CHST8: variants seen among roughly 807,000 people sequenced by gnomAD.
CHST8 encodes GALNAC-4-ST1.
CHST8 carries 10 observed loss-of-function variants against 15.0 expected under a neutral mutation model. That is an observed-to-expected ratio of 0.67 (90% CI 0.41 to 1.13). The LOEUF (loss-of-function observed/expected upper bound fraction) is 1.13, where lower values mean the gene tolerates loss of function less well. CHST8 is among the 50% of genes most tolerant of loss of function. CHST8 has a pLI of 0.00. For synonymous variants in CHST8, 259 were observed against 256.6 expected (o/e 1.01, Z -0.09); for missense variants, 634 against 608.2 (o/e 1.04, Z -0.45).
At chr19:33,661,543 G>A (rs1215575971) in intron 1 of CHST8, among the ~76,000 whole-genome samples, 1 of 152,156 alleles carries the variant, frequency 6.6e-6, no homozygotes, top group Non-Finnish European at 1.5e-5. Flanking sequence ...CCTTTGCACG[G>A]TGGTGGCCTA....
chr19:33,773,314 C>A lies in CHST8; in HGVS notation c.*251C>A. ...AGAGGCTGAGAACTGGGCAGACACCCCTGGAGCTCAGCCGACAGTTTTGAT... is the reference window on the plus strand; with the variant it reads ...AGAGGCTGAGAACTGGGCAGACACCACTGGAGCTCAGCCGACAGTTTTGAT... On this transcript the variant is annotated 3_prime_UTR_variant, in exon 5 of 5. Coordinates refer to ENST00000650847, the MANE Select transcript of CHST8 (RefSeq NM_001127895.2). The A allele has an allele frequency of 1.9e-6, 1 of 530,622 alleles. No individual in the cohort carries two copies. Among genetic ancestry groups the A allele is most frequent in the East Asian group, 3.1e-5 (1 of 32,204 alleles). 32.9% of individuals were successfully genotyped at this position (530,622 alleles called of 1,614,324 possible). A position where few individuals can be genotyped will look rare whatever the true frequency, so the allele number is the denominator to read the frequency against.
intron 3 of CHST8, among the ~76,000 whole-genome samples, chr19:33,757,786 G>A (rs1974633541): frequency 1.3e-5 from 2 of 151,772 alleles, no homozygotes; most frequent in Non-Finnish European, 2.9e-5. Flanking sequence ...CAAACTCCTG[G>A]GCTCAAGCAA....
At chr19:33,659,508 A>C (rs767151551) in intron 1 of CHST8, among the ~76,000 whole-genome samples, 9 of 152,186 alleles carry the variant, frequency 5.9e-5, no homozygotes, top group Non-Finnish European at 1.0e-4. Context: ...AATCCTTAAT[A>C]ATCTCAATTT....
intron 3 of CHST8, among the ~76,000 whole-genome samples, chr19:33,749,104 C>G (rs75309846): frequency 0.1 from 15,705 of 152,166 alleles, 1,006 homozygotes; most frequent in Middle Eastern, 0.15. Flanking sequence ...GGTGTGCATG[C>G]CCCAGGGATG....
At chr19:33,674,516 C>T (rs74605037) in intron 2 of CHST8, among the ~76,000 whole-genome samples, 1,651 of 152,296 alleles carry the variant, frequency 0.011, 23 homozygotes, top group African/African-American at 0.036. Flanking sequence ...TCCTCAGCCC[C>T]ACGTTTGACT....
intron 3 of CHST8, among the ~76,000 whole-genome samples, chr19:33,731,190 A>G (rs1457004617): frequency 1.3e-5 from 2 of 152,242 alleles, no homozygotes; most frequent in African/African-American, 4.8e-5. Flanking sequence ...AAGTTTATTA[A>G]GAAAGTAAAG....
At chr19:33,628,074 G>A (rs55771503) in intron 1 of CHST8, among the ~76,000 whole-genome samples, 24,035 of 152,168 alleles carry the variant, frequency 0.16, 2,091 homozygotes, top group Non-Finnish European at 0.2. Context: ...AGGACTTCTC[G>A]GAGGAGGTGG....
rs115804833 is a variant in CHST8, at chr19:33,727,592, C to G, written c.130+38201C>G. 6.2e-3 allele frequency among the ~76,000 whole-genome samples: 942 copies of G among 152,290 alleles called. 6 individuals carry two copies. The highest frequency in any genetic ancestry group is 0.024 in the Middle Eastern group (7 of 294). ...TCTTGTCGCGCCTGGCTTTATTAAT[C>G]CATTTTGTGAATAGACTTGGGAGTT... On this transcript the variant is annotated intron_variant, in intron 3 of 4. Transcript: ENST00000650847.
chr19:33,655,474 T>C (rs992092425), intron 1 of CHST8, among the ~76,000 whole-genome samples: 17 of 152,212 alleles, frequency 1.1e-4, no homozygotes, highest in African/African-American at 3.9e-4. Flanking sequence ...AGGAAGTTTT[T>C]CTCTTTTCTT....
At chr19:33,647,630 G>C (rs1972370917) in intron 1 of CHST8, among the ~76,000 whole-genome samples, 1 of 152,124 alleles carries the variant, frequency 6.6e-6, no homozygotes, top group Non-Finnish European at 1.5e-5. Flanking sequence ...TGGATCGCTT[G>C]AGGACAGGAG....
intron 1 of CHST8, among the ~76,000 whole-genome samples, chr19:33,633,542 C>T (rs1972151646): frequency 1.3e-5 from 2 of 151,818 alleles, no homozygotes; most frequent in African/African-American, 4.8e-5. Context: ...CAGGTGTGCA[C>T]CACCATGCTG....
At chr19:33,682,093 G>A (rs1972898793) in intron 2 of CHST8, among the ~76,000 whole-genome samples, 1 of 151,616 alleles carries the variant, frequency 6.6e-6, no homozygotes, top group Non-Finnish European at 1.5e-5. Context: ...GACCTCAGGT[G>A]ATCCACCCGC....
intron 2 of CHST8, among the ~76,000 whole-genome samples, chr19:33,678,426 T>C (rs940875009): frequency 6.6e-6 from 1 of 152,148 alleles, no homozygotes. Context: ...TGTTTTGAGA[T>C]GAGCTCCAGG....
chr19:33,722,183 G>A (rs77863101), intron 3 of CHST8, among the ~76,000 whole-genome samples: 2,622 of 150,124 alleles, frequency 0.017, 57 homozygotes, highest in African/African-American at 0.049. Context: ...GTGGGTGGGT[G>A]GGCAGATGGA....
intron 3 of CHST8, among the ~76,000 whole-genome samples, chr19:33,728,003 T>C (rs1212796879): frequency 6.6e-6 from 1 of 152,250 alleles, no homozygotes; most frequent in Non-Finnish European, 1.5e-5. Context: ...TGTGGGACTT[T>C]GGTAAGCAGA....
intron 1 of CHST8, among the ~76,000 whole-genome samples, chr19:33,642,203 C>T (rs545193221): frequency 1.3e-5 from 2 of 152,244 alleles, no homozygotes; most frequent in African/African-American, 2.4e-5. Context: ...ACCTCTGGGA[C>T]TGCAGATGGG....
At chr19:33,722,110 T>TG (rs1293754084) in intron 3 of CHST8, among the ~76,000 whole-genome samples, 2 of 108,160 alleles carry the variant, frequency 1.8e-5, no homozygotes, top group African/African-American at 4.6e-5. Context: ...GATGGATGGA[T>TG]GAAGGGATGG....
At chr19:33,761,717 A>T (rs1442727899) in intron 3 of CHST8, among the ~76,000 whole-genome samples, 2 of 152,188 alleles carry the variant, frequency 1.3e-5, no homozygotes, top group African/African-American at 4.8e-5. Flanking sequence ...GCACACCTGT[A>T]GTCCCAGCTA....
intron 2 of CHST8, among the ~76,000 whole-genome samples, chr19:33,675,977 G>C (rs183240646): frequency 6.6e-6 from 1 of 152,168 alleles, no homozygotes; most frequent in Non-Finnish European, 1.5e-5. Flanking sequence ...CCCAATCCAG[G>C]CTCCTCCTTA....
Sources: gnomAD v4.1 joint callset for allele counts (sites outside exome capture counted in the v4.1 genomes callset) on GRCh38, gnomAD v4.1.1 for gene constraint, MANE v1.5 for transcripts, NCBI Gene and HGNC (gene_info 2026-07-23, HGNC 2026-07-21) for gene names.